Variants in RGCC observed in about 807,000 individuals in gnomAD.
The protein encoded by RGCC is regulator of cell cycle, also known as regulator of cell cycle RGCC.
Under a neutral mutation model 15.4 loss-of-function variants are expected in RGCC, and 15 were observed. The ratio of observed to expected loss-of-function variants is 0.97; its 90% CI spans 0.65 to 1.50. The LOEUF is 1.50. Ranked by LOEUF, RGCC falls within the 40% of genes most tolerant of loss-of-function variation. The pLI is 0.00. For synonymous variants in RGCC, 81 were observed against 78.0 expected (o/e 1.04, Z -0.20); for missense variants, 176 against 189.7 (o/e 0.93, Z 0.42).
chr13:41,459,240 G>C (rs1283399134), intron 2 of RGCC, among the ~76,000 whole-genome samples: 1 of 152,170 alleles, frequency 6.6e-6, no homozygotes, highest in East Asian at 1.9e-4. Flanking sequence ...AGGATTACAG[G>C]TACCTCAAAC....
intron 2 of RGCC, chr13:41,464,194 C>G (rs1287248771): frequency 1.3e-5 from 2 of 152,514 alleles, no homozygotes; most frequent in African/African-American, 4.8e-5. Context: ...TCCTTCATAG[C>G]CACGGATAAT....
Position 41,470,647 on chromosome 13 carries a change from C to A in RGCC, c.*162C>A. 1.4e-6 allele frequency: 1 copy of A among 694,806 alleles called. No homozygotes were observed. The highest frequency in any genetic ancestry group is 2.5e-6 in the Non-Finnish European group (1 of 397,388). The allele number at this position is 694,806 out of a possible 1,614,324, so 43.0% of individuals were successfully genotyped here. ...GCTCACCTTAAAATCAGCCCTTGAT[C>A]CCATTTCTGGGCAATTTAGACAGTG... On this transcript the variant is annotated 3_prime_UTR_variant, in exon 5 of 5. Transcript: ENST00000379359.
intron 2 of RGCC, among the ~76,000 whole-genome samples, chr13:41,461,923 G>A (rs1254144486): frequency 6.6e-6 from 1 of 152,230 alleles, no homozygotes; most frequent in East Asian, 1.9e-4. Flanking sequence ...TTCTGCATGG[G>A]TAATGGATCT....
intron 2 of RGCC, among the ~76,000 whole-genome samples, chr13:41,462,874 T>C (rs962768974): frequency 1.3e-5 from 2 of 152,146 alleles, no homozygotes; most frequent in African/African-American, 4.8e-5. Flanking sequence ...GTCTAGAGCT[T>C]GGGGTACCTC....
At chr13:41,463,763 A>G (rs1566337535) in intron 2 of RGCC, among the ~76,000 whole-genome samples, 3 of 152,108 alleles carry the variant, frequency 2.0e-5, no homozygotes, top group Admixed American at 6.5e-5. Context: ...CTCATTCTCT[A>G]CAGATTCTCT....
chr13:41,463,802 TCCTGAATCTTTGC>T, intron 2 of RGCC, among the ~76,000 whole-genome samples: 1 of 152,312 alleles, frequency 6.6e-6, no homozygotes, highest in Non-Finnish European at 1.5e-5. Flanking sequence ...GCTGAGTCTT[TCCTGAATCTTTGC>T]TGGATTCCTT....
Position 41,457,772 on chromosome 13 carries a change from G to A in RGCC, c.49+16G>A, listed in dbSNP as rs1204705966. The A allele has an allele frequency of 7.2e-6, 10 of 1,379,466 alleles. No individual in the cohort carries two copies. The highest frequency in any genetic ancestry group is 6.1e-5 in the East Asian group (2 of 32,684). The allele number at this position is 1,379,466 out of a possible 1,614,324, so 85.5% of individuals were successfully genotyped here. On this transcript the variant is annotated intron_variant, in intron 1 of 4. Coordinates refer to ENST00000379359, the MANE Select transcript of RGCC (RefSeq NM_014059.3). The surrounding 1 kb of genome is among the most constrained non-coding windows in gnomAD (Gnocchi z 4.9). The stretch of plus-strand genomic sequence containing the variant: ...GCGGCCGCAGGTGAGTGCGGGGTCC[G>A]GGGTCCCCTTAAAGTCTCGGCTCTG...
In RGCC at chr13:41,461,782, C is replaced by A. The variant is rs1189280715; in HGVS notation, c.235+3312C>A. On this transcript the variant is annotated intron_variant, in intron 2 of 4. Transcript: ENST00000379359. ...GCCCTGGGAGAGGGGACCTTGTGGGCCCTGGAGAACCAGCATGACAGATGG... is the reference window on the plus strand; with the variant it reads ...GCCCTGGGAGAGGGGACCTTGTGGGACCTGGAGAACCAGCATGACAGATGG... Among the ~76,000 whole-genome samples, 5 of 152,308 alleles carry A rather than the reference C, an allele frequency of 3.3e-5. No individual in the cohort carries two copies. In the East Asian group the frequency reaches 9.7e-4, roughly 29 times the overall value.
At position 41,460,214 on chromosome 13, in the gene RGCC, T is replaced by C. The variant is rs182617264; in HGVS notation, c.235+1744T>C. Among the ~76,000 whole-genome samples, 590 of 152,318 alleles carry C rather than the reference T, an allele frequency of 3.9e-3. 14 individuals are homozygous for C. The highest frequency in any genetic ancestry group is 0.033 in the Admixed American group (500 of 15,300). ...ATTTGTCTTTGCTTTAAATGTGTAG[T>C]TTTTCTCTCACAAGGCTAGTCAGAA... On this transcript the variant is annotated intron_variant, in intron 2 of 4. Coordinates refer to ENST00000379359, the MANE Select transcript of RGCC (RefSeq NM_014059.3).
At chr13:41,469,264 G>GTAATAATAATAATAA (rs767884291) in intron 4 of RGCC, among the ~76,000 whole-genome samples, 8 of 136,610 alleles carry the variant, frequency 5.9e-5, no homozygotes, top group African/African-American at 2.3e-4. Context: ...CGTCAAAATA[G>GTAATAATAATAATAA]TAATAATAAT....
rs1309730906 is a variant in RGCC at position 41,458,339 on chromosome 13, T to C, written c.104T>C (p.Phe35Ser). Residue 35 changes from phenylalanine to serine, a missense_variant, in exon 2 of 5, where the codon TTT (phenylalanine) becomes TCT (serine). Transcript: ENST00000379359. The surrounding 1 kb of genome is among the most constrained non-coding windows in gnomAD (Gnocchi z 4.4). ...AEDLSDALCEFDAVLADFASP... is the reference protein window; with the variant it reads ...AEDLSDALCESDAVLADFASP... Reference sequence around the variant, plus strand: ...GACCTGTCGGACGCGCTGTGCGAGTTTGACGCGGTGCTGGCCGACTTCGCG... The same window carrying C: ...GACCTGTCGGACGCGCTGTGCGAGTCTGACGCGGTGCTGGCCGACTTCGCG... The C allele has an allele frequency of 1.9e-6, 3 of 1,589,726 alleles. No homozygotes were observed. The highest frequency in any genetic ancestry group is 1.7e-6 in the Non-Finnish European group (2 of 1,174,522).
chr13:41,469,767 T>G (rs2043866889), intron 4 of RGCC, among the ~76,000 whole-genome samples: 1 of 152,200 alleles, frequency 6.6e-6, no homozygotes, highest in African/African-American at 2.4e-5. Flanking sequence ...CTGTTTTGTG[T>G]GACCAAAAAT....
Position 41,458,392 on chromosome 13 carries a change from T to C in RGCC, c.157T>C (p.Tyr53His), listed in dbSNP as rs1466849632. ...ASPFHERHFH[Y>H]EEHLERMKRR... is the part of the protein sequence containing the mutation. ...GCCCTTCCACGAGCGCCACTTCCAC[T>C]ACGAGGAGCACCTGGAGCGCATGAA... Residue 53 changes from tyrosine (Y) to histidine (H), a missense_variant, in exon 2 of 5, where the codon TAC (tyrosine) becomes CAC (histidine). Transcript: ENST00000379359. The surrounding 1 kb of genome is among the most constrained non-coding windows in gnomAD (Gnocchi z 4.4). The C allele has an allele frequency of 6.2e-7, 1 of 1,600,164 alleles. No homozygotes were observed.
At position 41,458,534 on chromosome 13, in the gene RGCC, G is replaced by A. The variant is rs1429466347; in HGVS notation, c.235+64G>A. 4.7e-6 allele frequency: 7 copies of A among 1,482,056 alleles called. No homozygotes were observed. The highest frequency in any genetic ancestry group is 6.3e-6 in the Non-Finnish European group (7 of 1,107,226). The allele number at this position is 1,482,056 out of a possible 1,614,324, so 91.8% of individuals were successfully genotyped here. A position where few individuals can be genotyped will look rare whatever the true frequency, so the allele number is the denominator to read the frequency against. ...CAGCTCCCAGGACCTGCCCCGCGAA[G>A]GCTGCGGCCTCAGTTTTCTTATCAG... On this transcript the variant is annotated intron_variant, in intron 2 of 4. Transcript: ENST00000379359. The surrounding 1 kb of genome is among the most constrained non-coding windows in gnomAD (Gnocchi z 4.4).
intron 4 of RGCC, 77 bp from the exon 5 acceptor site, chr13:41,470,401 C>A: frequency 2.1e-6 from 3 of 1,450,538 alleles, no homozygotes; most frequent in Middle Eastern, 1.7e-4. Context: ...TGATGCACGT[C>A]TGAGACAGTG....
At position 41,466,163 on chromosome 13, in the gene RGCC, ACTCT is replaced by A. The variant is rs201199654; in HGVS notation, c.236-658_236-655del. On this transcript the variant is annotated intron_variant, in intron 2 of 4. Transcript: ENST00000379359. ...ACACTCCACACTCACACACGCACAC[ACTCT>A]CACACACTTTCTCACACACACACTC... Among the ~76,000 whole-genome samples, 257 of 136,358 alleles carry A rather than the reference ACTCT, an allele frequency of 1.9e-3. 2 individuals carry two copies. Among genetic ancestry groups the A allele is most frequent in the African/African-American group, 6.3e-3 (248 of 39,072 alleles). The allele number at this position is 136,358 out of a possible 152,430, so 89.5% of individuals were successfully genotyped here. A position where few individuals can be genotyped will look rare whatever the true frequency, so the allele number is the denominator to read the frequency against.
intron 3 of RGCC, 57 bp downstream of exon 3, chr13:41,466,987 A>G: frequency 9.4e-7 from 1 of 1,061,066 alleles, no homozygotes; most frequent in African/African-American, 1.6e-5. Flanking sequence ...TCTCCTTCTC[A>G]ATCCCTTCTC....
intron 4 of RGCC, among the ~76,000 whole-genome samples, chr13:41,469,264 GTAATAA>G (rs767884291): frequency 0.05 from 6,793 of 136,398 alleles, 216 homozygotes; most frequent in Non-Finnish European, 0.067. Context: ...CGTCAAAATA[GTAATAA>G]TAATAATAAT....
chr13:41,457,842 A>T lies in RGCC; in HGVS notation c.49+86A>T. ...GAGGGGCCCCGTGTCGTCCCTTCAC[A>T]CCCCCCACCCTTCCATCCTCCCCGG... is the stretch of plus-strand genomic sequence containing the variant. On this transcript the variant is annotated intron_variant, in intron 1 of 4. Transcript: ENST00000379359. This position sits in a 1 kb window ranked among gnomAD's most constrained non-coding sequence, Gnocchi z 4.9. The T allele has an allele frequency of 3.0e-6, 4 of 1,330,684 alleles. No homozygotes were observed. Among genetic ancestry groups the T allele is most frequent in the Non-Finnish European group, 3.9e-6 (4 of 1,038,154 alleles). 82.4% of individuals were successfully genotyped at this position (1,330,684 alleles called of 1,614,324 possible).
Sources: allele counts gnomAD v4.1 joint callset (sites outside exome capture counted in the v4.1 genomes callset), GRCh38; gene constraint gnomAD v4.1.1; non-coding constraint Gnocchi (gnomAD v3.1); transcripts MANE v1.5; gene names NCBI Gene and HGNC (gene_info 2026-07-23, HGNC 2026-07-21).